The following PRG2 variants were observed in gnomAD, a reference collection of about 807,000 sequenced individuals.
PRG2 encodes the protein proteoglycan 2, pro eosinophil major basic protein.
Under a neutral mutation model 24.7 loss-of-function variants are expected in PRG2, and 23 were observed. That is an observed-to-expected ratio of 0.93 (90% CI 0.67 to 1.32). PRG2 has a LOEUF of 1.32. Ranked by LOEUF, PRG2 falls within the 40% of genes most tolerant of loss-of-function variation. The probability of loss-of-function intolerance (pLI) is 0.00; values close to 1 mark genes in which losing one functional copy is unlikely to be tolerated. For missense variants in PRG2, 271 were observed against 280.9 expected (o/e 0.96, Z 0.25); for synonymous variants, 104 against 99.8 (o/e 1.04, Z -0.25).
intron 1 of PRG2, 147 bp downstream of exon 1, chr11:57,390,449 G>A (rs1382986268): frequency 3.1e-6 from 1 of 324,174 alleles, no homozygotes; most frequent in East Asian, 1.7e-4. Flanking sequence ...GCAAGGCAGA[G>A]GATGAAGGCT....
Position 57,388,627 on chromosome 11 carries a change from T to G in PRG2, c.448A>C (p.Ser150Arg), listed in dbSNP as rs372079948. The G allele has an allele frequency of 6.2e-7, 1 of 1,614,036 alleles. No individual in the cohort carries two copies. The highest frequency in any genetic ancestry group is 8.5e-7 in the Non-Finnish European group (1 of 1,179,926). ...CAGACTTGACCCTGGTTGAGCGCGCTGACAGAACACTGGATTCGATAATTA... is the reference window on the plus strand; with the variant it reads ...CAGACTTGACCCTGGTTGAGCGCGCGGACAGAACACTGGATTCGATAATTA... The part of the protein sequence containing the change: ...NINYRIQCSV[S>R]ALNQGQVWIG... The change falls in exon 4 of 6, where the codon AGC becomes CGC. Residue 150 changes from serine (S) to arginine (R), a missense_variant. Ser to Arg is a moderately radical substitution (Grantham distance 110). Transcript: ENST00000311862.
chr11:57,389,394 C>G (rs769921940), intron 2 of PRG2, 77 bp from the exon 3 acceptor site: 3 of 1,470,592 alleles, frequency 2.0e-6, no homozygotes, highest in African/African-American at 1.4e-5. Flanking sequence ...CAGCTCACAC[C>G]TTGCCCTGGG....
At chr11:57,388,093 G>T (rs1857082389) in intron 4 of PRG2, among the ~76,000 whole-genome samples, 1 of 152,188 alleles carries the variant, frequency 6.6e-6, no homozygotes, top group African/African-American at 2.4e-5. Context: ...CTAACAAAAG[G>T]TAGAACAAGG....
chr11:57,387,609 C>T, intron 5 of PRG2, 76 bp from the exon 6 acceptor site: 3 of 1,461,210 alleles, frequency 2.1e-6, no homozygotes, highest in Non-Finnish European at 2.9e-6. Flanking sequence ...CCTCTTTTCC[C>T]ACCCACACAC....
At position 57,389,296 on chromosome 11, in the gene PRG2, T is replaced by A; in HGVS notation, c.80A>T (p.Glu27Val). Residue 27 changes from glutamate (E) to valine (V), a missense_variant, in exon 3 of 6, where the codon GAG becomes GTG. Coordinates refer to ENST00000311862, the MANE Select transcript of PRG2 (RefSeq NM_002728.6). ...LHLRSETSTF[E>V]TPLGAKTLPE... Reference sequence around the variant, plus strand: ...CAGCGTCTTAGCACCCAAAGGGGTCTCAAAGGTGGAAGTCTCAGACCCTGG... The same window carrying A: ...CAGCGTCTTAGCACCCAAAGGGGTCACAAAGGTGGAAGTCTCAGACCCTGG... The A allele has an allele frequency of 6.2e-7, 1 of 1,612,970 alleles. No individual in the cohort carries two copies. The highest frequency in any genetic ancestry group is 1.3e-5 in the African/African-American group (1 of 75,056).
At chr11:57,390,098 T>A in intron 1 of PRG2, 142 bp from the exon 2 acceptor site, 1 of 704,734 alleles carries the variant, frequency 1.4e-6, no homozygotes, top group Non-Finnish European at 2.3e-6. Context: ...GAAAAGCTCA[T>A]GCCAAGCCCA....
At position 57,387,800 on chromosome 11, in the gene PRG2, G is replaced by A. The variant is rs1368730818; in HGVS notation, c.564C>T (p.His188=). ...AGTGACCACCGCGGGACCAGGGCTGGTGAGCAGCCCAGTATGCAAAGTTCC... is the reference window on the plus strand; with the variant it reads ...AGTGACCACCGCGGGACCAGGGCTGATGAGCAGCCCAGTATGCAAAGTTCC... ...SRWNFAYWAA[H]QPWSRGGHCV... is the part of the protein sequence containing the mutation. Residue 188 remains histidine, a synonymous_variant, in exon 5 of 6, where the codon CAC becomes CAT. Transcript: ENST00000311862. 2 of 1,593,510 alleles carry A rather than the reference G, an allele frequency of 1.3e-6. No individual in the cohort carries two copies. Among genetic ancestry groups the A allele is most frequent in the South Asian group, 2.3e-5 (2 of 87,198 alleles).
chr11:57,390,504 C>T (rs1186211186), intron 1 of PRG2, 92 bp downstream of exon 1: 1 of 857,618 alleles, frequency 1.2e-6, no homozygotes, highest in African/African-American at 1.8e-5. Flanking sequence ...AGGTAGACGC[C>T]TGCCAGCCCT....
intron 4 of PRG2, among the ~76,000 whole-genome samples, chr11:57,388,293 G>T (rs1387259145): frequency 6.6e-6 from 1 of 151,988 alleles, no homozygotes; most frequent in Non-Finnish European, 1.5e-5. Flanking sequence ...TCCTGCCTCA[G>T]CCTCCCAAGT....
At position 57,389,871 on chromosome 11, in the gene PRG2, G is replaced by A. The variant is rs1857124154; in HGVS notation, c.58+16C>T. ...AAAAAACAGAGAAAGAAAGACTGAA[G>A]GCAAAAAACACTTACTTAGATGAAG... On this transcript the variant is annotated intron_variant, in intron 2 of 5. Transcript: ENST00000311862. 3.8e-6 allele frequency: 6 copies of A among 1,596,762 alleles called. No individual in the cohort carries two copies. The highest frequency in any genetic ancestry group is 2.7e-5 in the African/African-American group (2 of 74,296).
Position 57,387,816 on chromosome 11 carries a change from G to A in PRG2, c.548C>T (p.Ala183Val), listed in dbSNP as rs753507153. The A allele has an allele frequency of 9.5e-6, 15 of 1,585,150 alleles. No individual in the cohort carries two copies. The highest frequency in any genetic ancestry group is 2.3e-5 in the East Asian group (1 of 43,982). ...QWVDGSRWNF[A>V]YWAAHQPWSR... ...CCAGGGCTGGTGAGCAGCCCAGTAT[G>A]CAAAGTTCCAGCGGCTGCCGTCAAC... Residue 183 changes from alanine (A) to valine (V), a missense_variant, in exon 5 of 6, where the codon GCA (alanine) becomes GTA (valine). Physicochemically the swap from Ala to Val is moderately conservative, Grantham distance 64. Coordinates refer to ENST00000311862, the MANE Select transcript of PRG2 (RefSeq NM_002728.6).
Position 57,389,873 on chromosome 11 carries a change from C to T in PRG2, c.58+14G>A. The T allele has an allele frequency of 1.2e-6, 2 of 1,600,474 alleles. No individual in the cohort carries two copies. Among genetic ancestry groups the T allele is most frequent in the South Asian group, 1.1e-5 (1 of 90,132 alleles). On this transcript the variant is annotated intron_variant, in intron 2 of 5. Transcript: ENST00000311862. ...AAAACAGAGAAAGAAAGACTGAAGG[C>T]AAAAAACACTTACTTAGATGAAGAG...
At position 57,388,578 on chromosome 11, in the gene PRG2, G is replaced by C. The variant is rs751028819; in HGVS notation, c.497C>G (p.Ser166Trp). ...ATTTAGTGTTCACACTTCTCTTACCGAGCCTGTGATCCTGCCTCCAATCCA... is the reference window on the plus strand; with the variant it reads ...ATTTAGTGTTCACACTTCTCTTACCCAGCCTGTGATCCTGCCTCCAATCCA... ...QVWIGGRITG[S>W]GRCRRFQWVD... The change falls in exon 4 of 6, where the codon TCG (serine) becomes TGG (tryptophan). Residue 166 changes from serine to tryptophan, a missense_variant and splice_region_variant. Ser to Trp is a radical substitution (Grantham distance 177). Coordinates refer to ENST00000311862, the MANE Select transcript of PRG2 (RefSeq NM_002728.6). 6.2e-7 allele frequency: 1 copy of C among 1,613,754 alleles called. No individual in the cohort carries two copies. The highest frequency in any genetic ancestry group is 1.1e-5 in the South Asian group (1 of 91,060).
chr11:57,390,002 T>C, intron 1 of PRG2, 46 bp from the exon 2 acceptor site: 1 of 1,461,630 alleles, frequency 6.8e-7, no homozygotes, highest in Non-Finnish European at 9.5e-7. Context: ...CAGACACACA[T>C]GCACACACAT....
In PRG2 at chr11:57,387,434, G is replaced by T. The variant is rs371876541; in HGVS notation, c.*41C>A. The T allele has an allele frequency of 3.8e-6, 6 of 1,579,148 alleles. No individual in the cohort carries two copies. In the African/African-American group the frequency reaches 4.1e-5, roughly 11 times the overall value. On this transcript the variant is annotated 3_prime_UTR_variant, in exon 6 of 6. Coordinates refer to ENST00000311862, the MANE Select transcript of PRG2 (RefSeq NM_002728.6). ...GGCAAGCAGAGGAGGGGAGGCAGCT[G>T]CCCAGGAGAGGGCAGCTCTGAACTG...
chr11:57,387,449 G>A lies in PRG2; in HGVS notation c.*26C>T. 2.5e-6 allele frequency: 4 copies of A among 1,610,114 alleles called. No homozygotes were observed. Among genetic ancestry groups the A allele is most frequent in the African/African-American group, 1.3e-5 (1 of 74,942 alleles). ...GGAGGCAGCTGCCCAGGAGAGGGCA[G>A]CTCTGAACTGCTGGCTGGGACCAGC... On this transcript the variant is annotated 3_prime_UTR_variant, in exon 6 of 6. Coordinates refer to ENST00000311862, the MANE Select transcript of PRG2 (RefSeq NM_002728.6).
intron 4 of PRG2, 105 bp downstream of exon 4, chr11:57,388,472 G>A (rs1475698574): frequency 3.9e-6 from 6 of 1,519,320 alleles, no homozygotes; most frequent in Admixed American, 3.7e-5. Flanking sequence ...TCTATCCCTG[G>A]TTCTTCTGGA....
In PRG2 at chr11:57,387,416, AGAG is replaced by A. The variant is rs1339601693; in HGVS notation, c.*56_*58del. On this transcript the variant is annotated 3_prime_UTR_variant, in exon 6 of 6. Coordinates refer to ENST00000311862, the MANE Select transcript of PRG2 (RefSeq NM_002728.6). ...GGAGGTGGAGGGAGGGATGGCAAGC[AGAG>A]GAGGGGAGGCAGCTGCCCAGGAGAG... 7.6e-6 allele frequency: 11 copies of A among 1,445,374 alleles called. No homozygotes were observed. The highest frequency in any genetic ancestry group is 1.1e-5 in the Non-Finnish European group (11 of 1,046,666). 89.5% of individuals were successfully genotyped at this position (1,445,374 alleles called of 1,614,324 possible).
At position 57,387,805 on chromosome 11, in the gene PRG2, C is replaced by A. The variant is rs149013013; in HGVS notation, c.559G>T (p.Ala187Ser). The A allele has an allele frequency of 6.3e-6, 10 of 1,592,010 alleles. No individual in the cohort carries two copies. The African/African-American group carries it at 9.4e-5, about 15-fold the overall frequency. Reference sequence around the variant, plus strand: ...CCACCGCGGGACCAGGGCTGGTGAGCAGCCCAGTATGCAAAGTTCCAGCGG... The same window carrying A: ...CCACCGCGGGACCAGGGCTGGTGAGAAGCCCAGTATGCAAAGTTCCAGCGG... ...GSRWNFAYWAAHQPWSRGGHC... is the reference protein window; with the variant it reads ...GSRWNFAYWASHQPWSRGGHC... The change falls in exon 5 of 6, where the codon GCT becomes TCT. Residue 187 changes from alanine to serine, a missense_variant. Transcript: ENST00000311862.
Sources: gnomAD v4.1 joint callset for allele counts (sites outside exome capture counted in the v4.1 genomes callset) on GRCh38, gnomAD v4.1.1 for gene constraint, MANE v1.5 for transcripts, NCBI Gene and HGNC (gene_info 2026-07-23, HGNC 2026-07-21) for gene names.